The following RAB5C variants were observed in gnomAD, a reference collection of about 807,000 sequenced individuals.
The protein encoded by RAB5C is ras-related protein Rab-5C.
RAB5C carries 4 observed loss-of-function variants against 25.2 expected under a neutral mutation model. The observed-to-expected ratio is 0.16, with a 90% CI of 0.08 to 0.36. RAB5C has a LOEUF of 0.36. RAB5C is among the 10% of genes least tolerant of loss of function. The pLI is 1.00. For synonymous variants in RAB5C, 100 were observed against 106.4 expected (o/e 0.94, Z 0.37); for missense variants, 199 against 283.8 (o/e 0.70, Z 2.15).
chr17:42,151,629 T>G (rs2079672230), intron 1 of RAB5C, among the ~76,000 whole-genome samples: 1 of 152,150 alleles, frequency 6.6e-6, no homozygotes, highest in Non-Finnish European at 1.5e-5. Flanking sequence ...CCCGCTCTGT[T>G]GCTTCCCCCT....
chr17:42,148,285 A>G (rs2079649265), intron 1 of RAB5C, among the ~76,000 whole-genome samples: 1 of 151,392 alleles, frequency 6.6e-6, no homozygotes, highest in Non-Finnish European at 1.5e-5. Flanking sequence ...CACACCTGTA[A>G]TCCCAGGTAC....
intron 1 of RAB5C, among the ~76,000 whole-genome samples, chr17:42,135,991 C>T (rs2054532951): frequency 6.6e-6 from 1 of 152,114 alleles, no homozygotes; most frequent in Non-Finnish European, 1.5e-5. Context: ...GCCCAGGGTC[C>T]CCTGCAGGTG....
rs56929605 is a variant in RAB5C at position 42,138,371 on chromosome 17, G to C, written c.-88-7781C>G. ...TAAGAGCCCAGGGTGAGATCTAGCC[G>C]AATCCCAATGGGGGGTGTTGCAACA... On this transcript the variant is annotated intron_variant, in intron 1 of 5. Coordinates refer to ENST00000346213, the MANE Select transcript of RAB5C (RefSeq NM_004583.4). Among the ~76,000 whole-genome samples the C allele has an allele frequency of 3.5e-3, 533 of 152,286 alleles. 1 individual carries two copies. The highest frequency in any genetic ancestry group is 0.012 in the African/African-American group (509 of 41,552).
In RAB5C at chr17:42,125,613, T is replaced by C. The variant is rs1350887486; in HGVS notation, c.*170A>G. ...TAGTATTTGTACAGAAAGGTGCAGG[T>C]GGAATGACTCACTCCGGCCTATGAT... On this transcript the variant is annotated 3_prime_UTR_variant, in exon 6 of 6. Coordinates refer to ENST00000346213, the MANE Select transcript of RAB5C (RefSeq NM_004583.4). The C allele has an allele frequency of 8.5e-6, 5 of 586,864 alleles. No homozygotes were observed. Among genetic ancestry groups the C allele is most frequent in the African/African-American group, 7.5e-5 (4 of 53,504 alleles). 36.4% of individuals were successfully genotyped at this position (586,864 alleles called of 1,614,324 possible).
chr17:42,140,040 C>T (rs1257381443), intron 1 of RAB5C, among the ~76,000 whole-genome samples: 4 of 152,124 alleles, frequency 2.6e-5, no homozygotes, highest in African/African-American at 7.2e-5. Context: ...GTCTTCCCCC[C>T]GTCTCAAAAG....
At position 42,128,793 on chromosome 17, in the gene RAB5C, G is replaced by A; in HGVS notation, c.174C>T (p.Phe58=). ...CATCCAGGCAGACAGTCTGTGTGAG[G>A]AAGGCCGCTGTAAGAGAGAAGGAGC... ...EYQESTIGAA[F]LTQTVCLDDT... Residue 58 remains phenylalanine, a synonymous_variant, in exon 3 of 6, where the codon TTC becomes TTT. Coordinates refer to ENST00000346213, the MANE Select transcript of RAB5C (RefSeq NM_004583.4). The A allele has an allele frequency of 6.6e-7, 1 of 1,520,340 alleles. No homozygotes were observed. The highest frequency in any genetic ancestry group is 2.4e-5 in the East Asian group (1 of 41,520). The allele number at this position is 1,520,340 out of a possible 1,614,324, so 94.2% of individuals were successfully genotyped here.
At chr17:42,146,322 T>C (rs2079634755) in intron 1 of RAB5C, among the ~76,000 whole-genome samples, 1 of 152,216 alleles carries the variant, frequency 6.6e-6, no homozygotes, top group Non-Finnish European at 1.5e-5. Flanking sequence ...TAACATAAGA[T>C]GTTAATAACA....
chr17:42,131,659 CAGG>C (rs2054487543), intron 1 of RAB5C: 2 of 1,522,858 alleles, frequency 1.3e-6, no homozygotes, highest in Middle Eastern at 1.7e-4. Context: ...AAAGAAGAGG[CAGG>C]AGGTGTGGGA....
intron 2 of RAB5C, among the ~76,000 whole-genome samples, chr17:42,129,276 C>G (rs932096843): frequency 1.3e-5 from 2 of 152,166 alleles, no homozygotes; most frequent in African/African-American, 4.8e-5. Flanking sequence ...TTCTCACACA[C>G]TTAGCTATGC....
chr17:42,128,919 C>G, intron 2 of RAB5C, 119 bp from the exon 3 acceptor site: 3 of 1,005,114 alleles, frequency 3.0e-6, no homozygotes, highest in Non-Finnish European at 4.0e-6. Flanking sequence ...GCACAGAGAA[C>G]CCTCAAGCCA....
At chr17:42,138,126 G>T (rs761113812) in intron 1 of RAB5C, among the ~76,000 whole-genome samples, 4 of 152,120 alleles carry the variant, frequency 2.6e-5, no homozygotes, top group Admixed American at 2.0e-4. Flanking sequence ...ATGTCTTTTC[G>T]ATGGGGAGAA....
chr17:42,144,241 G>A (rs2079618866), intron 1 of RAB5C, among the ~76,000 whole-genome samples: 1 of 151,004 alleles, frequency 6.6e-6, no homozygotes, highest in South Asian at 2.1e-4. Context: ...TGGATCACCT[G>A]AGGCCTGGAG....
intron 1 of RAB5C, among the ~76,000 whole-genome samples, chr17:42,147,082 AAGAAAGAAAGAAAGAAGGAAAGAC>A (rs1480741155): frequency 1.3e-5 from 2 of 151,342 alleles, no homozygotes; most frequent in African/African-American, 2.4e-5. Context: ...AAAAGAAAGA[AAGAAAGAAAGAAAGAAGGAAAGAC>A]AGAAAGAAAG....
At chr17:42,143,873 C>G (rs1289084098) in intron 1 of RAB5C, among the ~76,000 whole-genome samples, 1 of 152,050 alleles carries the variant, frequency 6.6e-6, no homozygotes, top group East Asian at 1.9e-4. Context: ...GCAACCACCA[C>G]CTCCCTGCTT....
At chr17:42,133,604 C>T (rs1273167025) in intron 1 of RAB5C, among the ~76,000 whole-genome samples, 2 of 152,226 alleles carry the variant, frequency 1.3e-5, no homozygotes, top group Admixed American at 6.5e-5. Context: ...CCCACTGAAG[C>T]ACAGCCAGGG....
At chr17:42,135,046 T>C (rs1313091720) in intron 1 of RAB5C, among the ~76,000 whole-genome samples, 3 of 151,354 alleles carry the variant, frequency 2.0e-5, no homozygotes, top group Non-Finnish European at 2.9e-5. Context: ...AGTGGCACGA[T>C]CTCTGCTTAC....
intron 5 of RAB5C, 112 bp from the exon 6 acceptor site, chr17:42,126,010 G>A (rs2054419345): frequency 1.4e-6 from 1 of 735,798 alleles, no homozygotes; most frequent in Non-Finnish European, 2.3e-6. Context: ...CACATATTGA[G>A]GGCTTCTGTG....
At chr17:42,130,928 G>T (rs538574189) in intron 1 of RAB5C, among the ~76,000 whole-genome samples, 1 of 152,216 alleles carries the variant, frequency 6.6e-6, no homozygotes, top group East Asian at 1.9e-4. Context: ...TGACAGCCTG[G>T]TGACAGTTAA....
chr17:42,133,861 G>A (rs8070446), intron 1 of RAB5C, among the ~76,000 whole-genome samples: 54,027 of 152,116 alleles, frequency 0.36, 12,939 homozygotes, highest in African/African-American at 0.69. Flanking sequence ...CTCCAAGACT[G>A]TTGGTGAACA....
Sources: allele counts gnomAD v4.1 joint callset (sites outside exome capture counted in the v4.1 genomes callset), GRCh38; gene constraint gnomAD v4.1.1; transcripts MANE v1.5; gene names NCBI Gene and HGNC (gene_info 2026-07-23, HGNC 2026-07-21).